CFAP20DC: variants seen among roughly 807,000 people sequenced by gnomAD.
CFAP20DC encodes the protein CFAP20 domain containing, also known as protein CFAP20DC.
CFAP20DC carries 84 observed loss-of-function variants against 101.7 expected under a neutral mutation model. The observed-to-expected ratio is 0.83, with a 90% CI of 0.69 to 0.99. The LOEUF (loss-of-function observed/expected upper bound fraction) is 0.99. Ranked by LOEUF, CFAP20DC falls within the 50% of genes least tolerant of loss-of-function variation. CFAP20DC has a pLI of 0.00. For missense variants in CFAP20DC, 1,007 were observed against 970.3 expected, an observed-to-expected ratio of 1.04 and a Z score of -0.50; for synonymous variants, 359 against 351.2, an observed-to-expected ratio of 1.02 and a Z score of -0.25.
intron 6 of CFAP20DC, among the ~76,000 whole-genome samples, chr3:58,904,839 T>C (rs557495772): frequency 6.6e-6 from 1 of 152,328 alleles, no homozygotes; most frequent in South Asian, 2.1e-4. Flanking sequence ...TCAGTGTTTC[T>C]AGATTCTCCG....
chr3:58,987,210 A>G lies in CFAP20DC; in HGVS notation c.279-49448T>C, dbSNP rs200933315. Among the ~76,000 whole-genome samples the G allele has an allele frequency of 2.0e-5, 3 of 152,202 alleles. No homozygotes were observed. The East Asian group carries it at 5.8e-4, about 29-fold the overall frequency. ...CTTTCTTAGGTAAGATGTTTGTGTT[A>G]TAAGAGAATGAGCTATTAATTTCCT... On this transcript the variant is annotated intron_variant, in intron 4 of 16. Coordinates refer to ENST00000482387, the MANE Select transcript of CFAP20DC (RefSeq NM_001394063.1).
rs114909551 is a variant in CFAP20DC at position 58,884,142 on chromosome 3, T to C, written c.715+403A>G. On this transcript the variant is annotated intron_variant, in intron 7 of 16. Transcript: ENST00000482387. Reference sequence around the variant, plus strand: ...ACTGGCTAGAACTGAATTGTGGCTCTCCCTTCTAGACTGAGGGAGCTTCCA... The same window carrying C: ...ACTGGCTAGAACTGAATTGTGGCTCCCCCTTCTAGACTGAGGGAGCTTCCA... 4.5e-3 allele frequency among the ~76,000 whole-genome samples: 684 copies of C among 152,264 alleles called. 5 individuals carry two copies. The highest frequency in any genetic ancestry group is 0.016 in the African/African-American group (669 of 41,558).
At chr3:58,962,285 G>T (rs1413908136) in intron 4 of CFAP20DC, among the ~76,000 whole-genome samples, 1 of 152,066 alleles carries the variant, frequency 6.6e-6, no homozygotes. Flanking sequence ...TGGCTATTAA[G>T]ACACACACTA....
At chr3:59,022,669 G>A (rs1450783649) in intron 4 of CFAP20DC, among the ~76,000 whole-genome samples, 2 of 151,942 alleles carry the variant, frequency 1.3e-5, no homozygotes, top group Non-Finnish European at 2.9e-5. Flanking sequence ...ACTATACTGA[G>A]AATTTCACAT....
rs2107683561 is a variant in CFAP20DC at position 58,799,613 on chromosome 3, T to C, written c.2237+6782A>G. Among the ~76,000 whole-genome samples, 1 of 152,256 alleles carries C rather than the reference T, an allele frequency of 6.6e-6. No individual in the cohort carries two copies. The highest frequency in any genetic ancestry group is 2.1e-4 in the South Asian group (1 of 4,820). ...ATTTTTTATGTGTCTCCTATGTGCT[T>C]GGCAAGTATATCCCTTGAAACTAGG... On this transcript the variant is annotated intron_variant, in intron 15 of 16. Coordinates refer to ENST00000482387, the MANE Select transcript of CFAP20DC (RefSeq NM_001394063.1). This position sits in a 1 kb window ranked among gnomAD's most constrained non-coding sequence, Gnocchi z 4.9.
intron 5 of CFAP20DC, among the ~76,000 whole-genome samples, chr3:58,920,912 C>G (rs1469093025): frequency 6.6e-6 from 1 of 152,064 alleles, no homozygotes; most frequent in Non-Finnish European, 1.5e-5. Flanking sequence ...GCAAACTGGA[C>G]CTGGATTTTA....
chr3:58,814,286 G>A (rs190907938), intron 14 of CFAP20DC, among the ~76,000 whole-genome samples: 1 of 151,764 alleles, frequency 6.6e-6, no homozygotes, highest in Non-Finnish European at 1.5e-5. Flanking sequence ...ATCCTATCTT[G>A]TTAGTGACTC....
intron 6 of CFAP20DC, among the ~76,000 whole-genome samples, chr3:58,904,640 C>T (rs2083436563): frequency 6.6e-6 from 1 of 152,182 alleles, no homozygotes; most frequent in Non-Finnish European, 1.5e-5. Flanking sequence ...ACTAAAACCA[C>T]AAAATCATTC....
At chr3:58,826,370 T>C (rs2107987818) in intron 14 of CFAP20DC, among the ~76,000 whole-genome samples, 1 of 152,304 alleles carries the variant, frequency 6.6e-6, no homozygotes, top group South Asian at 2.1e-4. Context: ...GTTACATAGG[T>C]ACACATGTGT....
At chr3:58,848,574 T>A (rs928594090) in intron 13 of CFAP20DC, among the ~76,000 whole-genome samples, 1 of 152,284 alleles carries the variant, frequency 6.6e-6, no homozygotes, top group Non-Finnish European at 1.5e-5. Context: ...ACTGTTTTAA[T>A]GTTAACCTTC....
At chr3:58,828,709 C>A (rs1575796178) in intron 14 of CFAP20DC, among the ~76,000 whole-genome samples, 1 of 151,892 alleles carries the variant, frequency 6.6e-6, no homozygotes, top group African/African-American at 2.4e-5. Context: ...ATGCTCAATA[C>A]CTGCATGAAT....
chr3:58,991,409 G>C (rs987754777), intron 4 of CFAP20DC, among the ~76,000 whole-genome samples: 3 of 151,946 alleles, frequency 2.0e-5, no homozygotes, highest in Non-Finnish European at 4.4e-5. Context: ...AAATATTCTT[G>C]AATGTTTGAA....
intron 7 of CFAP20DC, among the ~76,000 whole-genome samples, chr3:58,872,581 T>C (rs568243303): frequency 1.2e-4 from 18 of 152,234 alleles, no homozygotes; most frequent in South Asian, 8.3e-4. Flanking sequence ...ACAGGAGACA[T>C]GAGGTAGATG....
intron 7 of CFAP20DC, among the ~76,000 whole-genome samples, chr3:58,883,709 C>T (rs928428201): frequency 1.3e-5 from 2 of 152,092 alleles, no homozygotes; most frequent in Non-Finnish European, 2.9e-5. Context: ...GTCACCTGAA[C>T]GACATGACTT....
At chr3:58,960,952 T>G (rs749389624) in intron 4 of CFAP20DC, among the ~76,000 whole-genome samples, 10 of 152,154 alleles carry the variant, frequency 6.6e-5, no homozygotes, top group African/African-American at 2.4e-4. Flanking sequence ...TCATCAGAAA[T>G]GGATGTTAGA....
chr3:58,872,419 T>C (rs1474724612), intron 7 of CFAP20DC, among the ~76,000 whole-genome samples: 3 of 152,136 alleles, frequency 2.0e-5, no homozygotes, highest in Non-Finnish European at 2.9e-5. Context: ...AAATATACCA[T>C]ACTCAGCAAG....
intron 13 of CFAP20DC, among the ~76,000 whole-genome samples, chr3:58,842,549 G>C (rs1053476871): frequency 1.3e-5 from 2 of 152,078 alleles, no homozygotes; most frequent in African/African-American, 4.8e-5. Flanking sequence ...TAGCACAGCA[G>C]TCTGAGATCA....
intron 13 of CFAP20DC, among the ~76,000 whole-genome samples, chr3:58,838,233 A>T (rs980912221): frequency 6.6e-6 from 1 of 152,118 alleles, no homozygotes; most frequent in African/African-American, 2.4e-5. Context: ...TACTAAATTT[A>T]AGGGTTGCTA....
chr3:58,988,628 T>C (rs961829348), intron 4 of CFAP20DC, among the ~76,000 whole-genome samples: 2 of 152,192 alleles, frequency 1.3e-5, no homozygotes, highest in African/African-American at 4.8e-5. Flanking sequence ...AAGATTTCTG[T>C]AGTTTGTAAG....
Sources: gnomAD v4.1 joint callset for allele counts (sites outside exome capture counted in the v4.1 genomes callset) on GRCh38, gnomAD v4.1.1 for gene constraint, Gnocchi (gnomAD v3.1) non-coding constraint, MANE v1.5 for transcripts, NCBI Gene and HGNC (gene_info 2026-07-23, HGNC 2026-07-21) for gene names.